The following KCNQ1 variants were observed in gnomAD, a reference collection of about 807,000 sequenced individuals.
The protein encoded by KCNQ1 is potassium voltage-gated channel subfamily Q member 1.
In KCNQ1, 49 loss-of-function variants were observed where a neutral mutation model predicts 72.4. The ratio of observed to expected loss-of-function variants is 0.68; its 90% CI spans 0.54 to 0.86. KCNQ1 has a LOEUF of 0.86. Ranked by LOEUF, KCNQ1 falls within the 40% of genes least tolerant of loss-of-function variation. The probability of loss-of-function intolerance (pLI) is 0.00; values close to 1 mark genes in which losing one functional copy is unlikely to be tolerated. For missense variants in KCNQ1, 790 were observed against 945.1 expected (o/e 0.84, Z 2.15); for synonymous variants, 450 against 412.6 (o/e 1.09, Z -1.10).
chr11:2,707,118 G>A (rs1263747325), intron 11 of KCNQ1, among the ~76,000 whole-genome samples: 1 of 152,204 alleles, frequency 6.6e-6, no homozygotes, highest in Non-Finnish European at 1.5e-5. Flanking sequence ...TCTATGCCCA[G>A]GAATGTCAAA....
At chr11:2,700,154 G>A (rs529047118) in intron 11 of KCNQ1, among the ~76,000 whole-genome samples, 23 of 152,288 alleles carry the variant, frequency 1.5e-4, no homozygotes, top group Middle Eastern at 3.4e-3. Flanking sequence ...GTCATTGGCC[G>A]AAAGAGTCTC....
intron 10 of KCNQ1, chr11:2,656,371 C>A: frequency 2.5e-6 from 1 of 398,644 alleles, no homozygotes; most frequent in Non-Finnish European, 4.4e-6. Context: ...ACAGGTCCTT[C>A]CCTGGTCTCT....
rs11604319 is a variant in KCNQ1, at chr11:2,471,649, T to A, written c.386+26165T>A. 6.7e-6 allele frequency among the ~76,000 whole-genome samples: 1 copy of A among 149,970 alleles called. No homozygotes were observed. The highest frequency in any genetic ancestry group is 2.1e-4 in the South Asian group (1 of 4,762). ...ACGTATGCACGGATGTGTGTACACA[T>A]GTGTATGGGTGTGTGCATGGGTGTG... On this transcript the variant is annotated intron_variant, in intron 1 of 15. Transcript: ENST00000155840. This position sits in a 1 kb window ranked among gnomAD's most constrained non-coding sequence, Gnocchi z 4.8.
Position 2,838,542 on chromosome 11 carries a change from C to T in KCNQ1, c.1795-9225C>T, listed in dbSNP as rs1198176448. On this transcript the variant is annotated intron_variant, in intron 15 of 15. Coordinates refer to ENST00000155840, the MANE Select transcript of KCNQ1 (RefSeq NM_000218.3). ...GGCGAGAGGAAGTATCTAAGGTCTGCTTGTGGACTTCCGGGGACAGCGAGG... is the reference window on the plus strand; with the variant it reads ...GGCGAGAGGAAGTATCTAAGGTCTGTTTGTGGACTTCCGGGGACAGCGAGG... 2.0e-5 allele frequency among the ~76,000 whole-genome samples: 3 copies of T among 152,108 alleles called. No homozygotes were observed. The East Asian group carries it at 5.8e-4, about 29-fold the overall frequency.
intron 10 of KCNQ1, chr11:2,644,214 GGGA>G (rs1849628625): frequency 5.0e-6 from 2 of 398,252 alleles, no homozygotes; most frequent in African/African-American, 2.1e-5. Flanking sequence ...TTCACCTTCT[GGGA>G]CACTGAAGGT....
rs557523650 is a variant in KCNQ1 at position 2,474,856 on chromosome 11, C to A, written c.386+29372C>A. On this transcript the variant is annotated intron_variant, in intron 1 of 15. Coordinates refer to ENST00000155840, the MANE Select transcript of KCNQ1 (RefSeq NM_000218.3). ...ACGGTGGGGGACTTGCCTATGGGAA[C>A]CTCATCACAGCCCCACATCGGGCCC... Among the ~76,000 whole-genome samples the A allele has an allele frequency of 3.3e-5, 5 of 152,192 alleles. No homozygotes were observed. In the East Asian group the frequency reaches 9.7e-4, roughly 29 times the overall value.
At chr11:2,751,899 G>A (rs1485366224) in intron 11 of KCNQ1, among the ~76,000 whole-genome samples, 1 of 152,206 alleles carries the variant, frequency 6.6e-6, no homozygotes, top group East Asian at 1.9e-4. Flanking sequence ...CCCATAGCAT[G>A]GCTGACCTTC....
rs1240718847 is a variant in KCNQ1, at chr11:2,563,435, C to G, written c.478-7193C>G. Among the ~76,000 whole-genome samples the G allele has an allele frequency of 6.6e-6, 1 of 152,230 alleles. No individual in the cohort carries two copies. The highest frequency in any genetic ancestry group is 2.4e-5 in the African/African-American group (1 of 41,448). On this transcript the variant is annotated intron_variant, in intron 2 of 15. Coordinates refer to ENST00000155840, the MANE Select transcript of KCNQ1 (RefSeq NM_000218.3). The surrounding 1 kb of genome is among the most constrained non-coding windows in gnomAD (Gnocchi z 7.4). ...AGGTCTCCTCTTTATGCCACTGTAA[C>G]CCCACAACACCGGATACCAGCATGG...
At position 2,544,773 on chromosome 11, in the gene KCNQ1, T is replaced by C. The variant is rs913440958; in HGVS notation, c.477+16755T>C. 7.2e-5 allele frequency among the ~76,000 whole-genome samples: 11 copies of C among 152,324 alleles called. No individual in the cohort carries two copies. Among genetic ancestry groups the C allele is most frequent in the African/African-American group, 2.6e-4 (11 of 41,568 alleles). ...CTGAACATAGAGACAGTTTTACCTC[T>C]TTTTTTCAAATGTGGACGCCTATTT... On this transcript the variant is annotated intron_variant, in intron 2 of 15. Coordinates refer to ENST00000155840, the MANE Select transcript of KCNQ1 (RefSeq NM_000218.3). This position sits in a 1 kb window ranked among gnomAD's most constrained non-coding sequence, Gnocchi z 4.4.
At chr11:2,629,124 G>GA (rs1340780656) in intron 10 of KCNQ1, 12 of 397,778 alleles carry the variant, frequency 3.0e-5, no homozygotes, top group Admixed American at 4.4e-5. Context: ...CTATATCTGT[G>GA]AAAAAAAGTC....
intron 10 of KCNQ1, chr11:2,616,144 A>T: frequency 2.5e-6 from 1 of 397,548 alleles, no homozygotes; most frequent in Non-Finnish European, 4.4e-6. Context: ...ACAGTTATTC[A>T]TAGTATTCTT....
intron 15 of KCNQ1, among the ~76,000 whole-genome samples, chr11:2,788,956 G>T (rs1042931041): frequency 5.3e-5 from 8 of 152,180 alleles, no homozygotes; most frequent in African/African-American, 1.9e-4. Context: ...GGGCCAGGTT[G>T]AGTCTGCTCC....
Position 2,671,951 on chromosome 11 carries a change from A to C in KCNQ1, c.1514+9870A>C, listed in dbSNP as rs1241401524. On this transcript the variant is annotated intron_variant, in intron 11 of 15. Transcript: ENST00000155840. The surrounding 1 kb of genome is among the most constrained non-coding windows in gnomAD (Gnocchi z 4.7). ...GGCAGCTAGTCTCTGTATCTGGGGT[A>C]GAAAGAGTGGGCTAAAAAGTCAGCT... 3.8e-5 allele frequency: 15 copies of C among 398,622 alleles called. No homozygotes were observed. The highest frequency in any genetic ancestry group is 3.1e-4 in the African/African-American group (15 of 48,728). 24.7% of individuals were successfully genotyped at this position (398,622 alleles called of 1,614,324 possible). A position where few individuals can be genotyped will look rare whatever the true frequency, so the allele number is the denominator to read the frequency against.
At chr11:2,825,583 T>C (rs1847821923) in intron 15 of KCNQ1, among the ~76,000 whole-genome samples, 1 of 152,194 alleles carries the variant, frequency 6.6e-6, no homozygotes, top group Non-Finnish European at 1.5e-5. Context: ...TCAACAAATA[T>C]TTTCTGAATG....
rs1846642258 is a variant in KCNQ1, at chr11:2,481,028, A to G, written c.386+35544A>G. On this transcript the variant is annotated intron_variant, in intron 1 of 15. Coordinates refer to ENST00000155840, the MANE Select transcript of KCNQ1 (RefSeq NM_000218.3). The surrounding 1 kb of genome is among the most constrained non-coding windows in gnomAD (Gnocchi z 4.6). ...AACTTCTCTATAAGTTTGAAATGAAATCATATAAATCGAAAGTTAGAAGAG... is the reference window on the plus strand; with the variant it reads ...AACTTCTCTATAAGTTTGAAATGAAGTCATATAAATCGAAAGTTAGAAGAG... Among the ~76,000 whole-genome samples, 1 of 152,218 alleles carries G rather than the reference A, an allele frequency of 6.6e-6. No individual in the cohort carries two copies. The highest frequency in any genetic ancestry group is 2.4e-5 in the African/African-American group (1 of 41,458).
intron 15 of KCNQ1, among the ~76,000 whole-genome samples, chr11:2,790,059 C>G (rs1238993701): frequency 6.6e-6 from 1 of 152,164 alleles, no homozygotes; most frequent in Non-Finnish European, 1.5e-5. Flanking sequence ...GGGATCATAT[C>G]CCTTTGACCA....
chr11:2,501,520 T>C (rs892990311), intron 1 of KCNQ1, among the ~76,000 whole-genome samples: 3 of 151,736 alleles, frequency 2.0e-5, no homozygotes, highest in Non-Finnish European at 4.4e-5. Context: ...AGTAATGAGA[T>C]TGAACCTGTA....
At chr11:2,834,197 G>A (rs557853560) in intron 15 of KCNQ1, among the ~76,000 whole-genome samples, 1 of 151,750 alleles carries the variant, frequency 6.6e-6, no homozygotes, top group East Asian at 1.9e-4. Context: ...GGCATGGCTG[G>A]GGCTGGGGCT....
At chr11:2,580,120 C>G (rs1034709781) in intron 6 of KCNQ1, among the ~76,000 whole-genome samples, 1 of 152,150 alleles carries the variant, frequency 6.6e-6, no homozygotes, top group Non-Finnish European at 1.5e-5. Flanking sequence ...TGTCTTGATG[C>G]CTGGGTTTGC....
Sources: allele counts gnomAD v4.1 joint callset (sites outside exome capture counted in the v4.1 genomes callset), GRCh38; gene constraint gnomAD v4.1.1; non-coding constraint Gnocchi (gnomAD v3.1); transcripts MANE v1.5; gene names NCBI Gene and HGNC (gene_info 2026-07-23, HGNC 2026-07-21).